RBFOX1: variants seen among roughly 807,000 people sequenced by gnomAD.
The protein encoded by RBFOX1 is RNA binding fox-1 homolog 1.
A neutral mutation model predicts 57.7 loss-of-function variants in RBFOX1; 8 were observed. That is an observed-to-expected ratio of 0.14 (90% CI 0.08 to 0.25). RBFOX1 has a LOEUF of 0.25. Among genes scored for constraint, RBFOX1 ranks in the 10% least tolerant of loss-of-function variants. The pLI is 1.00. For missense variants in RBFOX1, 611 were observed against 548.5 expected, an observed-to-expected ratio of 1.11 and a Z score of -1.14; for synonymous variants, 326 against 222.4, an observed-to-expected ratio of 1.47 and a Z score of -4.15.
At chr16:5,517,262 G>T (rs1425250287) in intron 2 of RBFOX1, among the ~76,000 whole-genome samples, 9 of 152,032 alleles carry the variant, frequency 5.9e-5, no homozygotes, top group Non-Finnish European at 1.3e-4. Context: ...TGGGAAATCA[G>T]CAGAATTGCG....
intron 2 of RBFOX1, among the ~76,000 whole-genome samples, chr16:5,476,711 G>A (rs1440323855): frequency 6.6e-6 from 1 of 152,170 alleles, no homozygotes; most frequent in Non-Finnish European, 1.5e-5. Context: ...ATTTATCGCT[G>A]CACAAACCAC....
chr16:6,463,100 T>G (rs2094958063), intron 2 of RBFOX1, among the ~76,000 whole-genome samples: 1 of 142,078 alleles, frequency 7.0e-6, no homozygotes. Context: ...CTTCCCCTAT[T>G]CAACTTTTAT....
chr16:7,231,708 A>G (rs1284067150), intron 4 of RBFOX1, among the ~76,000 whole-genome samples: 1 of 152,240 alleles, frequency 6.6e-6, no homozygotes, highest in Non-Finnish European at 1.5e-5. Flanking sequence ...ACAATGAAAT[A>G]TCATTGAGCC....
At chr16:6,043,592 C>T (rs575104682) in intron 1 of RBFOX1, among the ~76,000 whole-genome samples, 15 of 152,298 alleles carry the variant, frequency 9.8e-5, no homozygotes, top group African/African-American at 3.4e-4. Context: ...TGTCTGACCT[C>T]CCTTTTGGCG....
At chr16:7,313,023 T>A (rs1245910414) in intron 4 of RBFOX1, among the ~76,000 whole-genome samples, 1 of 152,056 alleles carries the variant, frequency 6.6e-6, no homozygotes, top group East Asian at 2.0e-4. Context: ...CTGGATCTGT[T>A]GTAGGAGAGG....
At chr16:5,420,857 T>TTCC (rs1222907205) in intron 1 of RBFOX1, among the ~76,000 whole-genome samples, 1 of 137,222 alleles carries the variant, frequency 7.3e-6, no homozygotes, top group Non-Finnish European at 1.6e-5. Flanking sequence ...CCACCTCCTC[T>TTCC]TCCTCCTCCT....
intron 3 of RBFOX1, among the ~76,000 whole-genome samples, chr16:6,864,003 T>C (rs1567615747): frequency 6.6e-6 from 1 of 150,818 alleles, no homozygotes; most frequent in Non-Finnish European, 1.5e-5. Context: ...TTTTTTTTTT[T>C]TGTTGAGATT....
At chr16:7,255,550 G>T (rs756620523) in intron 4 of RBFOX1, among the ~76,000 whole-genome samples, 1 of 152,094 alleles carries the variant, frequency 6.6e-6, no homozygotes, top group Non-Finnish European at 1.5e-5. Context: ...AAAAGAATTT[G>T]CACCACATTA....
At chr16:7,305,260 G>C (rs571628263) in intron 4 of RBFOX1, among the ~76,000 whole-genome samples, 7 of 152,012 alleles carry the variant, frequency 4.6e-5, no homozygotes, top group African/African-American at 1.7e-4. Flanking sequence ...TCTTTCTCAG[G>C]GTGTTTCCTT....
At position 5,580,707 on chromosome 16, in the gene RBFOX1, C is replaced by T. The variant is rs114095836; in HGVS notation, c.259-18195C>T. Among the ~76,000 whole-genome samples, 1,278 of 152,206 alleles carry T rather than the reference C, an allele frequency of 8.4e-3. 9 individuals are homozygous for T. Among genetic ancestry groups the T allele is most frequent in the Middle Eastern group, 0.037 (11 of 294 alleles). Reference sequence around the variant, plus strand: ...TTTCACGGCATCTCACACTGCCCTGCGTCTGCACATAGAGGCCGAGAGGTG... The same window carrying T: ...TTTCACGGCATCTCACACTGCCCTGTGTCTGCACATAGAGGCCGAGAGGTG... On this transcript the variant is annotated intron_variant, in intron 2 of 2. Coordinates refer to the RBFOX1 transcript ENST00000585867.
At chr16:6,674,742 G>A (rs1304584448) in intron 3 of RBFOX1, among the ~76,000 whole-genome samples, 2 of 152,164 alleles carry the variant, frequency 1.3e-5, no homozygotes, top group Non-Finnish European at 2.9e-5. Context: ...GGAGCACGAG[G>A]GGTGCTGGCC....
chr16:6,718,607 A>G (rs1041000957), intron 3 of RBFOX1, among the ~76,000 whole-genome samples: 6 of 152,122 alleles, frequency 3.9e-5, no homozygotes, highest in African/African-American at 1.4e-4. Context: ...GTAATCCCCA[A>G]TATTGGAGGA....
chr16:7,153,742 TAAGG>T (rs1160943278), intron 4 of RBFOX1, among the ~76,000 whole-genome samples: 1 of 97,336 alleles, frequency 1.0e-5, no homozygotes, highest in Admixed American at 1.0e-4. Flanking sequence ...AAAAAAAAAA[TAAGG>T]AAAGAAAGAA....
chr16:7,311,782 A>T (rs760928828), intron 4 of RBFOX1, among the ~76,000 whole-genome samples: 1 of 152,226 alleles, frequency 6.6e-6, no homozygotes, highest in Non-Finnish European at 1.5e-5. Context: ...AGTTGGTATC[A>T]TGGTATCAGC....
chr16:5,751,966 C>T (rs1389504737), intron 3 of RBFOX1, among the ~76,000 whole-genome samples: 1 of 152,178 alleles, frequency 6.6e-6, no homozygotes, highest in Non-Finnish European at 1.5e-5. Context: ...TATAAAGATA[C>T]ATGCATGTGT....
At chr16:7,094,909 C>T (rs192577656) in intron 4 of RBFOX1, among the ~76,000 whole-genome samples, 27 of 151,976 alleles carry the variant, frequency 1.8e-4, no homozygotes, top group African/African-American at 4.8e-4. Context: ...ACTTTTGCCC[C>T]GTCTCTTAAT....
intron 11 of RBFOX1, among the ~76,000 whole-genome samples, chr16:7,652,398 A>C (rs1336850043): frequency 1.3e-5 from 2 of 152,110 alleles, no homozygotes; most frequent in Non-Finnish European, 2.9e-5. Flanking sequence ...AAGGGAAGAT[A>C]TCCCCGCCCA....
intron 4 of RBFOX1, among the ~76,000 whole-genome samples, chr16:7,173,007 A>G (rs1469101811): frequency 2.0e-5 from 3 of 152,212 alleles, no homozygotes; most frequent in Non-Finnish European, 2.9e-5. Context: ...AAAAACTACC[A>G]CGTGTGTATT....
chr16:6,004,540 A>T (rs2060659600), intron 4 of RBFOX1, among the ~76,000 whole-genome samples: 2 of 152,244 alleles, frequency 1.3e-5, no homozygotes, highest in African/African-American at 4.8e-5. Flanking sequence ...ATGAATGTCC[A>T]GAAGGTTTTA....
Sources: allele counts gnomAD v4.1 joint callset (sites outside exome capture counted in the v4.1 genomes callset), GRCh38; gene constraint gnomAD v4.1.1; transcripts MANE v1.5; gene names NCBI Gene and HGNC (gene_info 2026-07-23, HGNC 2026-07-21).